GREM2: variants seen among roughly 807,000 people sequenced by gnomAD.
The protein encoded by GREM2 is gremlin-2.
In GREM2, 11 loss-of-function variants were observed where a neutral mutation model predicts 14.2. The ratio of observed to expected loss-of-function variants is 0.78; its 90% confidence interval spans 0.49 to 1.28. GREM2 has a LOEUF of 1.28. GREM2 is among the 50% of genes most tolerant of loss of function. GREM2 has a pLI of 0.00. For missense variants in GREM2, 210 were observed against 218.5 expected (o/e 0.96, Z 0.24); for synonymous variants, 98 against 97.6 (o/e 1.00, Z -0.02).
At position 240,509,769 on chromosome 1, in the gene GREM2, C is replaced by T. The variant is rs140078619; in HGVS notation, c.-1-16293G>A. ...ACACATTGAATGGGAACTTAAGAAG[C>T]GGAAGAGAATCTGTAGGCAGGCATC... is the stretch of plus-strand genomic sequence containing the variant. On this transcript the variant is annotated intron_variant, in intron 1 of 1. Coordinates refer to ENST00000318160, the MANE Select transcript of GREM2 (RefSeq NM_022469.4). 6.0e-4 allele frequency among the ~76,000 whole-genome samples: 91 copies of T among 152,190 alleles called. 2 individuals carry two copies. In the East Asian group the frequency reaches 0.014, roughly 23 times the overall value.
Position 240,526,534 on chromosome 1 carries a change from C to T in GREM2, c.-1-33058G>A, listed in dbSNP as rs959119892. On this transcript the variant is annotated intron_variant, in intron 1 of 1. Coordinates refer to ENST00000318160, the MANE Select transcript of GREM2 (RefSeq NM_022469.4). Reference sequence around the variant, plus strand: ...GGTGCAGCTGCTAGCCTCGGTGCCACGGCCTAGATCAGGTTACTCCTGCCT... The same window carrying T: ...GGTGCAGCTGCTAGCCTCGGTGCCATGGCCTAGATCAGGTTACTCCTGCCT... Among the ~76,000 whole-genome samples the T allele has an allele frequency of 7.2e-5, 11 of 152,264 alleles. 1 individual carries two copies. The Middle Eastern group carries it at 0.01, about 141-fold the overall frequency.
intron 1 of GREM2, among the ~76,000 whole-genome samples, chr1:240,571,314 A>C (rs905337659): frequency 1.3e-5 from 2 of 152,228 alleles, no homozygotes; most frequent in Non-Finnish European, 2.9e-5. Flanking sequence ...ATTATCTGTA[A>C]AACAAGAAAG....
chr1:240,586,714 C>T (rs989421987), intron 1 of GREM2, among the ~76,000 whole-genome samples: 1 of 152,152 alleles, frequency 6.6e-6, no homozygotes, highest in East Asian at 1.9e-4. Context: ...CACCCTGGTA[C>T]CTCGGTTACT....
chr1:240,604,662 A>G (rs751817342), intron 1 of GREM2, among the ~76,000 whole-genome samples: 3 of 152,196 alleles, frequency 2.0e-5, no homozygotes, highest in Non-Finnish European at 4.4e-5. Flanking sequence ...CAATTCTTAT[A>G]GAACACCAAA....
intron 1 of GREM2, among the ~76,000 whole-genome samples, chr1:240,581,111 G>A (rs915873823): frequency 3.9e-5 from 6 of 151,942 alleles, no homozygotes; most frequent in Non-Finnish European, 7.4e-5. Flanking sequence ...TTAGCCAGGC[G>A]TAGTGGTGCA....
At chr1:240,529,170 T>G (rs1380408851) in intron 1 of GREM2, among the ~76,000 whole-genome samples, 3 of 151,004 alleles carry the variant, frequency 2.0e-5, no homozygotes, top group Admixed American at 6.6e-5. Context: ...TCAGGAAGTT[T>G]GGACCCAATG....
chr1:240,515,004 G>T (rs1469259147), intron 1 of GREM2, among the ~76,000 whole-genome samples: 1 of 152,116 alleles, frequency 6.6e-6, no homozygotes, highest in African/African-American at 2.4e-5. Flanking sequence ...ACTTTAACGG[G>T]AACACTTTCA....
In GREM2 at chr1:240,489,974, A is replaced by AT. The variant is rs766046348; in HGVS notation, c.*2994dup. The AT allele has an allele frequency of 3.3e-5, 5 of 152,330 alleles. No individual in the cohort carries two copies. The East Asian group carries it at 5.8e-4, about 18-fold the overall frequency. The allele number at this position is 152,330 out of a possible 1,614,324, so 9.4% of individuals were successfully genotyped here. A position where few individuals can be genotyped will look rare whatever the true frequency, so the allele number is the denominator to read the frequency against. ...CATGTGCAGTTTGATTGTGGATTTT[A>AT]TTTTTTATTGATTACGGAGTTTTCT... On this transcript the variant is annotated 3_prime_UTR_variant, in exon 2 of 2. Coordinates refer to ENST00000318160, the MANE Select transcript of GREM2 (RefSeq NM_022469.4).
At chr1:240,559,881 G>A (rs1679009214) in intron 1 of GREM2, among the ~76,000 whole-genome samples, 1 of 152,128 alleles carries the variant, frequency 6.6e-6, no homozygotes, top group South Asian at 2.1e-4. Context: ...GGTGTTCAGT[G>A]GTGCCTCGAT....
intron 1 of GREM2, among the ~76,000 whole-genome samples, chr1:240,511,528 A>C (rs1243451253): frequency 6.6e-6 from 1 of 152,162 alleles, no homozygotes; most frequent in Non-Finnish European, 1.5e-5. Flanking sequence ...AGGCGGGCGG[A>C]TAACCTGAGG....
chr1:240,604,598 T>C (rs1252879681), intron 1 of GREM2, among the ~76,000 whole-genome samples: 2 of 152,172 alleles, frequency 1.3e-5, no homozygotes, highest in Non-Finnish European at 2.9e-5. Flanking sequence ...CAGTTACAGG[T>C]AAGTGGAAGT....
In GREM2 at chr1:240,550,818, A is replaced by G. The variant is rs1294702463; in HGVS notation, c.-1-57342T>C. Among the ~76,000 whole-genome samples the G allele has an allele frequency of 6.6e-5, 10 of 152,226 alleles. No individual in the cohort carries two copies. The South Asian group carries it at 1.4e-3, about 22-fold the overall frequency. The stretch of plus-strand genomic sequence containing the variant: ...GAATATTGCTATTACGAATGATCAA[A>G]AGCAAATATTGTGCTGACATATCCA... On this transcript the variant is annotated intron_variant, in intron 1 of 1. Transcript: ENST00000318160.
At chr1:240,580,437 C>A (rs528585372) in intron 1 of GREM2, among the ~76,000 whole-genome samples, 2 of 152,136 alleles carry the variant, frequency 1.3e-5, no homozygotes, top group South Asian at 2.1e-4. Context: ...TGCTGACATG[C>A]CTTATCAAGA....
chr1:240,562,957 TGTGA>T (rs145203780), intron 1 of GREM2, among the ~76,000 whole-genome samples: 10,521 of 136,030 alleles, frequency 0.077, 473 homozygotes, highest in Admixed American at 0.12. Flanking sequence ...TGTGTATGTG[TGTGA>T]GTGTGTGTAT....
intron 1 of GREM2, among the ~76,000 whole-genome samples, chr1:240,534,561 G>A (rs951212398): frequency 6.6e-6 from 1 of 152,072 alleles, no homozygotes; most frequent in East Asian, 1.9e-4. Context: ...GCATGGTGGC[G>A]GGCGCCTGTA....
intron 1 of GREM2, among the ~76,000 whole-genome samples, chr1:240,610,094 C>T (rs540088288): frequency 1.3e-5 from 2 of 152,170 alleles, no homozygotes; most frequent in Admixed American, 6.5e-5. Context: ...AAGTTGCTAC[C>T]AACACACCCA....
rs750835716 is a variant in GREM2 at position 240,542,806 on chromosome 1, C to T, written c.-1-49330G>A. On this transcript the variant is annotated intron_variant, in intron 1 of 1. Transcript: ENST00000318160. The surrounding 1 kb of genome is among the most constrained non-coding windows in gnomAD (Gnocchi z 4.1). ...ACTTTGCTATGCTTCTGATTTGAGA[C>T]AAAGATACTGTAATGTTTTGTGCTT... Among the ~76,000 whole-genome samples the T allele has an allele frequency of 3.5e-4, 53 of 151,980 alleles. 1 individual carries two copies. The highest frequency in any genetic ancestry group is 2.6e-3 in the Admixed American group (40 of 15,252).
chr1:240,492,835 C>A lies in GREM2; in HGVS notation c.*134G>T. The A allele has an allele frequency of 1.1e-6, 1 of 921,556 alleles. No individual in the cohort carries two copies. Among genetic ancestry groups the A allele is most frequent in the Non-Finnish European group, 1.4e-6 (1 of 695,558 alleles). The allele number at this position is 921,556 out of a possible 1,614,324, so 57.1% of individuals were successfully genotyped here. On this transcript the variant is annotated 3_prime_UTR_variant, in exon 2 of 2. Transcript: ENST00000318160. ...GTCTGTGACAAGGACACCGTCAGCCCTAAGAGAAGTGCTTGCTGCTGAGGG... is the reference window on the plus strand; with the variant it reads ...GTCTGTGACAAGGACACCGTCAGCCATAAGAGAAGTGCTTGCTGCTGAGGG...
chr1:240,597,527 G>A (rs148913529), intron 1 of GREM2, among the ~76,000 whole-genome samples: 33 of 152,200 alleles, frequency 2.2e-4, no homozygotes, highest in African/African-American at 6.3e-4. Context: ...CCTTGCTCCC[G>A]CCTCATTTTA....
Sources: allele counts gnomAD v4.1 joint callset (sites outside exome capture counted in the v4.1 genomes callset), GRCh38; gene constraint gnomAD v4.1.1; non-coding constraint Gnocchi (gnomAD v3.1); transcripts MANE v1.5; gene names NCBI Gene and HGNC (gene_info 2026-07-23, HGNC 2026-07-21).